RABGEF1: variants seen among roughly 807,000 people sequenced by gnomAD.
RABGEF1 encodes the protein rab5 GDP/GTP exchange factor.
A neutral mutation model predicts 57.3 loss-of-function variants in RABGEF1; 26 were observed. The observed-to-expected ratio is 0.45, with a 90% CI of 0.33 to 0.63. The LOEUF (loss-of-function observed/expected upper bound fraction) is 0.63, where lower values mean the gene tolerates loss of function less well. RABGEF1 is among the 20% of genes least tolerant of loss of function. RABGEF1 has a pLI of 0.02. For synonymous variants in RABGEF1, 185 were observed against 210.7 expected (o/e 0.88, Z 1.06); for missense variants, 464 against 607.6 (o/e 0.76, Z 2.48).
chr7:66,682,011 T>C (rs564870327), upstream of RABGEF1, among the ~76,000 whole-genome samples: 176 of 152,338 alleles, frequency 1.2e-3, 3 homozygotes, highest in South Asian at 0.036. Flanking sequence ...CTACTCTGTG[T>C]AAGCCTTTGG....
chr7:66,698,875 G>C (rs1215134716), intron 1 of RABGEF1, among the ~76,000 whole-genome samples: 2 of 152,128 alleles, frequency 1.3e-5, no homozygotes, highest in African/African-American at 4.8e-5. Context: ...CTGGAAAATG[G>C]GGACAGGGAC....
At chr7:66,759,612 G>C (rs1243414290) in intron 1 of RABGEF1, among the ~76,000 whole-genome samples, 1 of 152,192 alleles carries the variant, frequency 6.6e-6, no homozygotes, top group African/African-American at 2.4e-5. Context: ...TCTGCTTCTA[G>C]GGTGGCCTCA....
intron 1 of RABGEF1, among the ~76,000 whole-genome samples, chr7:66,696,460 G>C (rs563961848): frequency 6.6e-6 from 1 of 152,116 alleles, no homozygotes; most frequent in South Asian, 2.1e-4. Flanking sequence ...GAGGCCAAGG[G>C]AGGTGGATCA....
chr7:66,706,390 G>A (rs2707828), intron 1 of RABGEF1, among the ~76,000 whole-genome samples: 15,709 of 151,992 alleles, frequency 0.1, 992 homozygotes, highest in South Asian at 0.2. Flanking sequence ...TTAAAAACCC[G>A]CCAAACTGTT....
rs569121446 is a variant in RABGEF1 at position 66,693,366 on chromosome 7, C to T, written c.-873+11108C>T. 1.2e-3 allele frequency among the ~76,000 whole-genome samples: 179 copies of T among 152,306 alleles called. 1 individual carries two copies. The highest frequency in any genetic ancestry group is 4.2e-3 in the African/African-American group (173 of 41,570). On this transcript the variant is annotated intron_variant and NMD_transcript_variant, in intron 1 of 9. Transcript: ENST00000607882. ...ACGTTGAATACTGTTGCACAAACTC[C>T]GTCTCTCCCCTGGCTTCCTTACTCC...
chr7:66,729,950 C>T (rs551288524), intron 2 of RABGEF1, among the ~76,000 whole-genome samples: 1 of 152,340 alleles, frequency 6.6e-6, no homozygotes, highest in Non-Finnish European at 1.5e-5. Context: ...CCACCTGGCT[C>T]ATGGAGGCCC....
intron 5 of RABGEF1, among the ~76,000 whole-genome samples, chr7:66,797,172 C>T (rs1343220007): frequency 9.9e-5 from 15 of 151,808 alleles, no homozygotes; most frequent in African/African-American, 2.4e-4. Flanking sequence ...GGCATGGTGG[C>T]GTGTGCCTGT....
chr7:66,663,102 C>A, the RABGEF1 span, among the ~76,000 whole-genome samples: 1 of 152,238 alleles, frequency 6.6e-6, no homozygotes, highest in African/African-American at 2.4e-5. Flanking sequence ...ATAACATGAG[C>A]GCTCTGTGTC....
At chr7:66,802,671 C>T (rs1337828681) in intron 7 of RABGEF1, among the ~76,000 whole-genome samples, 9 of 152,162 alleles carry the variant, frequency 5.9e-5, no homozygotes, top group Non-Finnish European at 1.3e-4. Flanking sequence ...ACGAAGAATT[C>T]CTTCAGGCCA....
intron 1 of RABGEF1, among the ~76,000 whole-genome samples, 158 bp downstream of exon 1, chr7:66,740,950 C>G (rs1798774634): frequency 6.6e-6 from 1 of 152,126 alleles, no homozygotes; most frequent in Non-Finnish European, 1.5e-5. Flanking sequence ...TCCTTCGTCC[C>G]ACATTCCGTC....
At chr7:66,787,001 C>G (rs1811329533) in intron 4 of RABGEF1, among the ~76,000 whole-genome samples, 1 of 152,058 alleles carries the variant, frequency 6.6e-6, no homozygotes, top group South Asian at 2.1e-4. Context: ...ATTTTTAAAA[C>G]CTAATCTGTA....
intron 1 of RABGEF1, among the ~76,000 whole-genome samples, chr7:66,708,434 T>C (rs925725317): frequency 4.6e-5 from 7 of 152,028 alleles, no homozygotes; most frequent in South Asian, 2.1e-4. Context: ...ATTCTAGGCT[T>C]GCACCACCAT....
At chr7:66,743,450 A>G (rs1799479687) in intron 1 of RABGEF1, among the ~76,000 whole-genome samples, 1 of 151,736 alleles carries the variant, frequency 6.6e-6, no homozygotes. Context: ...TCAGCCTCCC[A>G]AGTAACTGGG....
chr7:66,744,701 A>T (rs1030126293), intron 1 of RABGEF1, among the ~76,000 whole-genome samples: 9 of 150,880 alleles, frequency 6.0e-5, no homozygotes, highest in Admixed American at 5.9e-4. Context: ...GCTTGACGTG[A>T]ATGTATACTC....
upstream of RABGEF1, chr7:66,740,127 T>G: frequency 6.6e-6 from 1 of 152,368 alleles, no homozygotes; most frequent in South Asian, 2.1e-4. Context: ...CGCCATCATG[T>G]CCGGCTGATT....
intron 2 of RABGEF1, among the ~76,000 whole-genome samples, chr7:66,730,794 G>C (rs1396185240): frequency 6.6e-6 from 1 of 152,074 alleles, no homozygotes; most frequent in Non-Finnish European, 1.5e-5. Context: ...CTGACCTCAA[G>C]TGATCCTCCT....
Position 66,795,820 on chromosome 7 carries a change from C to T in RABGEF1, c.595+228C>T, listed in dbSNP as rs189892912. On this transcript the variant is annotated intron_variant, in intron 5 of 8. Coordinates refer to ENST00000284957, the MANE Select transcript of RABGEF1 (RefSeq NM_014504.3). ...TTTATTGAGTAACATTTAATAACTC[C>T]ATTGGGGCAGGGCTGGAGCTGACGA... Among the ~76,000 whole-genome samples the T allele has an allele frequency of 7.9e-5, 12 of 152,240 alleles. 1 individual carries two copies. Among genetic ancestry groups the T allele is most frequent in the Admixed American group, 2.6e-4 (4 of 15,288 alleles).
At chr7:66,719,450 C>T (rs539660263) in intron 2 of RABGEF1, among the ~76,000 whole-genome samples, 3 of 152,114 alleles carry the variant, frequency 2.0e-5, no homozygotes, top group African/African-American at 7.2e-5. Context: ...AGCACCTCGG[C>T]CCCCCGCAGT....
the RABGEF1 span, among the ~76,000 whole-genome samples, chr7:66,672,087 A>G: frequency 6.6e-6 from 1 of 151,524 alleles, no homozygotes; most frequent in Non-Finnish European, 1.5e-5. Flanking sequence ...AAGTGCTGGG[A>G]TTATAGGCTG....
Sources: gnomAD v4.1 joint callset for allele counts (sites outside exome capture counted in the v4.1 genomes callset) on GRCh38, gnomAD v4.1.1 for gene constraint, MANE v1.5 for transcripts, NCBI Gene and HGNC (gene_info 2026-07-23, HGNC 2026-07-21) for gene names.